PRR16: variants seen among roughly 807,000 people sequenced by gnomAD.
PRR16 encodes the protein protein Largen.
In PRR16, 6 loss-of-function variants were observed where a neutral mutation model predicts 18.2. The ratio of observed to expected loss-of-function variants is 0.33; its 90% confidence interval spans 0.18 to 0.65. The LOEUF (loss-of-function observed/expected upper bound fraction) is 0.65. Among genes scored for constraint, PRR16 ranks in the 30% least tolerant of loss-of-function variants. The pLI, the probability that PRR16 is intolerant of heterozygous loss-of-function variation, is 0.74. For missense variants in PRR16, 412 were observed against 376.6 expected (o/e 1.09, Z -0.78); for synonymous variants, 151 against 147.8 (o/e 1.02, Z -0.16).
chr5:120,543,761 C>A lies in PRR16; in HGVS notation c.159+79116C>A, dbSNP rs375491905. Among the ~76,000 whole-genome samples, 88 of 152,174 alleles carry A rather than the reference C, an allele frequency of 5.8e-4. 3 individuals carry two copies. In the South Asian group the frequency reaches 0.017, roughly 30 times the overall value. The stretch of plus-strand genomic sequence containing the variant: ...TTTCTGAAAATTATGTAACTAAGGG[C>A]AGTTATGCATAATTCAAATGACATT... On this transcript the variant is annotated intron_variant, in intron 1 of 1. Transcript: ENST00000407149.
At chr5:120,748,202 A>C in the PRR16 span, among the ~76,000 whole-genome samples, 1 of 152,040 alleles carries the variant, frequency 6.6e-6, no homozygotes, top group Non-Finnish European at 1.5e-5. Flanking sequence ...GCTTCTTTGC[A>C]CCTATTTTTA....
chr5:120,501,773 A>T (rs112121876), intron 1 of PRR16, among the ~76,000 whole-genome samples: 1 of 151,768 alleles, frequency 6.6e-6, no homozygotes. Context: ...TGGCTACCAC[A>T]GTGAAACCCT....
At chr5:120,701,367 C>T in the PRR16 span, among the ~76,000 whole-genome samples, 1 of 152,172 alleles carries the variant, frequency 6.6e-6, no homozygotes, top group Middle Eastern at 3.4e-3. Flanking sequence ...AGGGTTGCTG[C>T]CAAACAAGTC....
chr5:120,472,524 C>A, intron 1 of PRR16, among the ~76,000 whole-genome samples: 1 of 151,976 alleles, frequency 6.6e-6, no homozygotes, highest in Non-Finnish European at 1.5e-5. Context: ...GTGGTTCCTG[C>A]ACATGTTCAG....
intron 1 of PRR16, among the ~76,000 whole-genome samples, chr5:120,561,164 T>G (rs940619689): frequency 6.6e-6 from 1 of 152,036 alleles, no homozygotes; most frequent in Non-Finnish European, 1.5e-5. Context: ...AATTTTGAGT[T>G]GAGTTTGCTC....
At chr5:120,548,393 A>T (rs1290639888) in intron 1 of PRR16, among the ~76,000 whole-genome samples, 1 of 152,106 alleles carries the variant, frequency 6.6e-6, no homozygotes, top group African/African-American at 2.4e-5. Context: ...CTTTAGTTAC[A>T]GTTCTTTGAG....
the PRR16 span, among the ~76,000 whole-genome samples, chr5:120,708,937 A>G: frequency 4.0e-5 from 6 of 150,062 alleles, no homozygotes; most frequent in South Asian, 1.3e-3. Context: ...TGTTTGTTCA[A>G]AATATCTTCT....
At chr5:120,721,011 G>A in the PRR16 span, among the ~76,000 whole-genome samples, 3 of 151,782 alleles carry the variant, frequency 2.0e-5, no homozygotes, top group East Asian at 1.9e-4. Flanking sequence ...ACCATTTACC[G>A]AAAAAGGTTA....
the PRR16 span, among the ~76,000 whole-genome samples, chr5:120,753,888 T>A: frequency 7.9e-6 from 1 of 126,968 alleles, no homozygotes; most frequent in South Asian, 2.2e-4. Flanking sequence ...TTATATATTA[T>A]ATATAATATA....
At chr5:120,612,341 G>A (rs1376436855) in intron 1 of PRR16, among the ~76,000 whole-genome samples, 1 of 152,132 alleles carries the variant, frequency 6.6e-6, no homozygotes, top group Non-Finnish European at 1.5e-5. Context: ...TTTGAAATGT[G>A]AGGACATGAG....
At chr5:120,662,492 G>A (rs908242789) in intron 1 of PRR16, among the ~76,000 whole-genome samples, 2 of 151,910 alleles carry the variant, frequency 1.3e-5, no homozygotes, top group Admixed American at 6.6e-5. Flanking sequence ...TTTAATAAGT[G>A]TATATCTTAT....
At chr5:120,766,899 A>G in the PRR16 span, among the ~76,000 whole-genome samples, 1 of 151,894 alleles carries the variant, frequency 6.6e-6, no homozygotes, top group East Asian at 1.9e-4. Flanking sequence ...ATTTAAACTT[A>G]TTTCAAAGTA....
intron 1 of PRR16, among the ~76,000 whole-genome samples, chr5:120,543,853 A>G (rs976016248): frequency 3.3e-5 from 5 of 152,142 alleles, no homozygotes; most frequent in African/African-American, 1.2e-4. Flanking sequence ...GATCTCTGGT[A>G]TTTTACTTGT....
Position 120,601,796 on chromosome 5 carries a change from C to G in PRR16, c.160-84158C>G, listed in dbSNP as rs559822425. 1.4e-3 allele frequency among the ~76,000 whole-genome samples: 208 copies of G among 151,942 alleles called. 1 individual carries two copies. The highest frequency in any genetic ancestry group is 1.6e-3 in the Non-Finnish European group (110 of 67,946). ...CTTCCACATATGACTAGCCAGTTAC[C>G]CCAGCACCATTTGTTGAATAGGGAG... On this transcript the variant is annotated intron_variant, in intron 1 of 1. Coordinates refer to ENST00000407149, the MANE Select transcript of PRR16 (RefSeq NM_001300783.2).
downstream of PRR16, among the ~76,000 whole-genome samples, chr5:120,689,627 T>G (rs138518346): frequency 9.8e-5 from 15 of 152,292 alleles, no homozygotes; most frequent in African/African-American, 3.6e-4. Context: ...AGGTGATGTT[T>G]CCACAAAATG....
At chr5:120,576,910 G>A (rs551821484) in intron 1 of PRR16, among the ~76,000 whole-genome samples, 4 of 151,976 alleles carry the variant, frequency 2.6e-5, no homozygotes, top group East Asian at 1.9e-4. Context: ...AATTCTCTAC[G>A]TGCTTTCTCT....
chr5:120,634,511 C>T (rs887993005), intron 1 of PRR16, among the ~76,000 whole-genome samples: 1 of 152,054 alleles, frequency 6.6e-6, no homozygotes. Flanking sequence ...GACATGCTGG[C>T]ATGTGCCTGT....
chr5:120,550,793 G>C (rs1399804120), intron 1 of PRR16, among the ~76,000 whole-genome samples: 1 of 151,930 alleles, frequency 6.6e-6, no homozygotes, highest in Admixed American at 6.6e-5. Flanking sequence ...TTAAAATTCA[G>C]TGTGCCTAAA....
chr5:120,621,047 T>TC (rs1754673192), intron 1 of PRR16, among the ~76,000 whole-genome samples: 4 of 152,110 alleles, frequency 2.6e-5, no homozygotes, highest in Admixed American at 2.6e-4. Context: ...TGGGTAGTGT[T>TC]CTCCTTTAGA....
Sources: gnomAD v4.1 joint callset for allele counts (sites outside exome capture counted in the v4.1 genomes callset) on GRCh38, gnomAD v4.1.1 for gene constraint, MANE v1.5 for transcripts, NCBI Gene and HGNC (gene_info 2026-07-23, HGNC 2026-07-21) for gene names.